Variants in ATXN2 observed in about 807,000 individuals in gnomAD.
The protein encoded by ATXN2 is ataxin 2, also known as ataxin-2.
A neutral mutation model predicts 138.6 loss-of-function variants in ATXN2; 37 were observed. The observed-to-expected ratio is 0.27, with a 90% CI of 0.21 to 0.35. ATXN2 has a LOEUF of 0.35. Among genes scored for constraint, ATXN2 ranks in the 10% least tolerant of loss-of-function variants. The pLI is 1.00. For synonymous variants in ATXN2, 549 were observed against 543.7 expected (o/e 1.01, Z -0.13); for missense variants, 1,216 against 1,480.3 (o/e 0.82, Z 2.93).
At chr12:111,484,411 G>T (rs1057127039) in intron 18 of ATXN2, among the ~76,000 whole-genome samples, 10 of 151,694 alleles carry the variant, frequency 6.6e-5, no homozygotes, top group African/African-American at 2.2e-4. Flanking sequence ...AATTAGTCTG[G>T]TTTTTTTGTT....
Position 111,488,480 on chromosome 12 carries a change from C to A in ATXN2, c.2236G>T (p.Ala746Ser). 2 of 1,606,958 alleles carry A rather than the reference C, an allele frequency of 1.2e-6. No homozygotes were observed. Among genetic ancestry groups the A allele is most frequent in the Middle Eastern group, 3.3e-4 (2 of 6,028 alleles). The change falls in exon 15 of 25, where the codon GCT becomes TCT. Residue 746 changes from alanine (A) to serine (S), a missense_variant. Coordinates refer to ENST00000673436, the MANE Select transcript of ATXN2 (RefSeq NM_001372574.1). ...CTAAGTTCCAGGTTTACTCACTCAG[C>A]TGCGTCTTTCTTCTCTTCCTTATCG... is the stretch of plus-strand genomic sequence containing the variant. ...KDDKEEKKDA[A>S]EQVRKSTLNP...
rs1879871104 is a variant in ATXN2 at position 111,516,622 on chromosome 12, TG to T, written c.1166-260del. ...GTTAATTAGGATCTATACACACTAT[TG>T]AAGAAGACAGTTAAGACTTTGCCTA... On this transcript the variant is annotated intron_variant, in intron 9 of 24. Transcript: ENST00000673436. This position sits in a 1 kb window ranked among gnomAD's most constrained non-coding sequence, Gnocchi z 5.0. 6.6e-6 allele frequency among the ~76,000 whole-genome samples: 1 copy of T among 152,208 alleles called. No homozygotes were observed. Among genetic ancestry groups the T allele is most frequent in the South Asian group, 2.1e-4 (1 of 4,838 alleles).
At chr12:111,504,361 A>T (rs1259908663) in intron 14 of ATXN2, among the ~76,000 whole-genome samples, 1 of 152,220 alleles carries the variant, frequency 6.6e-6, no homozygotes, top group East Asian at 1.9e-4. Flanking sequence ...ATCTCAGCTC[A>T]CTGCAACCTC....
intron 14 of ATXN2, among the ~76,000 whole-genome samples, chr12:111,496,520 A>T (rs1022191431): frequency 1.3e-5 from 2 of 152,194 alleles, no homozygotes; most frequent in African/African-American, 4.8e-5. Context: ...TGGGTGACAG[A>T]GCGAGACTCC....
chr12:111,514,733 C>G lies in ATXN2; in HGVS notation c.1376-1194G>C, dbSNP rs537747341. 1.6e-3 allele frequency among the ~76,000 whole-genome samples: 250 copies of G among 152,254 alleles called. 1 individual carries two copies. Among genetic ancestry groups the G allele is most frequent in the Non-Finnish European group, 3.0e-3 (204 of 68,006 alleles). On this transcript the variant is annotated intron_variant, in intron 10 of 24. Coordinates refer to ENST00000673436, the MANE Select transcript of ATXN2 (RefSeq NM_001372574.1). ...AAACTCCTGACCTCAAGTGATCCAC[C>G]TGCCTCAGCCTCCCAAAGTGCTGAG...
intron 5 of ATXN2, among the ~76,000 whole-genome samples, chr12:111,551,466 C>A (rs1405211705): frequency 1.3e-5 from 2 of 152,152 alleles, no homozygotes; most frequent in Admixed American, 1.3e-4. Context: ...ACTACATAAT[C>A]GCTTTTAAAT....
chr12:111,539,526 T>A (rs947490336), intron 5 of ATXN2, among the ~76,000 whole-genome samples: 1 of 150,094 alleles, frequency 6.7e-6, no homozygotes, highest in Non-Finnish European at 1.5e-5. Flanking sequence ...GGCGGATGGA[T>A]CACGAGGTCA....
At chr12:111,503,496 A>T (rs548042991) in intron 14 of ATXN2, among the ~76,000 whole-genome samples, 2 of 152,242 alleles carry the variant, frequency 1.3e-5, no homozygotes, top group African/African-American at 4.8e-5. Flanking sequence ...GCAATAAAAC[A>T]TAAGAGAATA....
At chr12:111,518,085 T>G (rs1291676842) in intron 9 of ATXN2, among the ~76,000 whole-genome samples, 164 bp downstream of exon 9, 2 of 152,212 alleles carry the variant, frequency 1.3e-5, no homozygotes, top group African/African-American at 4.8e-5. Context: ...GTTTTACTAA[T>G]TTAATATCCA....
chr12:111,455,439 A>G (rs1875008486), intron 23 of ATXN2: 1 of 334,342 alleles, frequency 3.0e-6, no homozygotes. Flanking sequence ...CTGCTCTTAA[A>G]GAAAAATGGG....
chr12:111,504,209 G>A (rs530709469), intron 14 of ATXN2, among the ~76,000 whole-genome samples: 1 of 152,252 alleles, frequency 6.6e-6, no homozygotes, highest in Admixed American at 6.5e-5. Flanking sequence ...ATTCAGTGGA[G>A]GACAATTCAG....
At chr12:111,504,379 TG>T (rs1878974498) in intron 14 of ATXN2, among the ~76,000 whole-genome samples, 1 of 152,122 alleles carries the variant, frequency 6.6e-6, no homozygotes, top group Non-Finnish European at 1.5e-5. Context: ...CTCTACCTCC[TG>T]GGTTCAAGCG....
At chr12:111,592,154 C>T (rs546657705) in intron 1 of ATXN2, among the ~76,000 whole-genome samples, 5 of 151,372 alleles carry the variant, frequency 3.3e-5, no homozygotes, top group African/African-American at 1.2e-4. Flanking sequence ...CTTTGGGAGG[C>T]CGAGGCAAGC....
chr12:111,504,275 A>G (rs1295223967), intron 14 of ATXN2, among the ~76,000 whole-genome samples: 1 of 152,228 alleles, frequency 6.6e-6, no homozygotes, highest in African/African-American at 2.4e-5. Context: ...AAGCATGTGA[A>G]GATAATTCAA....
intron 1 of ATXN2, among the ~76,000 whole-genome samples, chr12:111,584,598 G>A (rs747500261): frequency 1.5e-4 from 23 of 151,686 alleles, no homozygotes; most frequent in Non-Finnish European, 2.9e-4. Flanking sequence ...TTTGGGAGTC[G>A]AGGTGGGCAG....
intron 21 of ATXN2, among the ~76,000 whole-genome samples, chr12:111,464,054 C>T (rs927882966): frequency 2.0e-5 from 3 of 152,172 alleles, no homozygotes; most frequent in African/African-American, 7.2e-5. Flanking sequence ...TCCCAAAGCA[C>T]TGGGATTACA....
At chr12:111,478,694 G>A (rs1294417744) in intron 18 of ATXN2, among the ~76,000 whole-genome samples, 2 of 152,176 alleles carry the variant, frequency 1.3e-5, no homozygotes, top group Non-Finnish European at 2.9e-5. Flanking sequence ...AAGATTGCTA[G>A]TTTCTTATTA....
intron 1 of ATXN2, among the ~76,000 whole-genome samples, chr12:111,581,128 T>G (rs1317697874): frequency 4.3e-5 from 5 of 116,702 alleles, no homozygotes; most frequent in Admixed American, 2.0e-4. Flanking sequence ...AGAGCGAGAC[T>G]CCATCTCAAA....
chr12:111,543,882 C>T (rs1414484161), intron 5 of ATXN2, among the ~76,000 whole-genome samples: 2 of 151,956 alleles, frequency 1.3e-5, no homozygotes, highest in Non-Finnish European at 2.9e-5. Context: ...TAAAGGCCAG[C>T]CTGGGAAACA....
Sources: gnomAD v4.1 joint callset for allele counts (sites outside exome capture counted in the v4.1 genomes callset) on GRCh38, gnomAD v4.1.1 for gene constraint, Gnocchi (gnomAD v3.1) non-coding constraint, MANE v1.5 for transcripts, NCBI Gene and HGNC (gene_info 2026-07-23, HGNC 2026-07-21) for gene names.